Variants in ZFAND6 observed in about 807,000 individuals in gnomAD.
ZFAND6 encodes the protein zinc finger AN1-type containing 6, also known as AN1-type zinc finger protein 6.
In ZFAND6, 12 loss-of-function variants were observed where a neutral mutation model predicts 24.5. That is an observed-to-expected ratio of 0.49 (90% CI 0.31 to 0.79). ZFAND6 has a LOEUF of 0.79. Among genes scored for constraint, ZFAND6 ranks in the 30% least tolerant of loss-of-function variants. The pLI, the probability that ZFAND6 is intolerant of heterozygous loss-of-function variation, is 0.04. For synonymous variants in ZFAND6, 92 were observed against 81.5 expected, an observed-to-expected ratio of 1.13 and a Z score of -0.69; for missense variants, 207 against 245.9, an observed-to-expected ratio of 0.84 and a Z score of 1.06.
At chr15:80,086,977 G>GT (rs1313088182) in intron 1 of ZFAND6, among the ~76,000 whole-genome samples, 1 of 152,156 alleles carries the variant, frequency 6.6e-6, no homozygotes, top group Non-Finnish European at 1.5e-5. Flanking sequence ...CATCCAGATT[G>GT]TAGTATGTAT....
At chr15:80,077,411 C>T (rs2141839670) in intron 1 of ZFAND6, among the ~76,000 whole-genome samples, 1 of 152,246 alleles carries the variant, frequency 6.6e-6, no homozygotes, top group Admixed American at 6.5e-5. Context: ...AAAATATTTT[C>T]TCTTTGTCCT....
chr15:80,110,959 CA>C (rs1401434452), intron 2 of ZFAND6, among the ~76,000 whole-genome samples: 1 of 152,080 alleles, frequency 6.6e-6, no homozygotes. Context: ...CCTACCCAAG[CA>C]AATGAAATGG....
In ZFAND6 at chr15:80,121,830, A is replaced by T; in HGVS notation, c.263+10A>T. 6.2e-7 allele frequency: 1 copy of T among 1,602,830 alleles called. No homozygotes were observed. The highest frequency in any genetic ancestry group is 8.5e-7 in the Non-Finnish European group (1 of 1,170,870). On this transcript the variant is annotated intron_variant, in intron 4 of 6. Coordinates refer to ENST00000261749, the MANE Select transcript of ZFAND6 (RefSeq NM_019006.4). ...CATCTATGCAGCCCAGGTAAGATGT[A>T]CTCTCTGAATTCTAATGAGAATGCT...
intron 1 of ZFAND6, among the ~76,000 whole-genome samples, chr15:80,086,534 C>T (rs1336789616): frequency 6.6e-6 from 1 of 152,184 alleles, no homozygotes; most frequent in Non-Finnish European, 1.5e-5. Context: ...TATGGGTAAC[C>T]AGTAACCTAT....
rs1247548074 is a variant in ZFAND6, at chr15:80,122,809, A to G, written c.364+9A>G. 1 of 1,595,622 alleles carries G rather than the reference A, an allele frequency of 6.3e-7. No individual in the cohort carries two copies. The highest frequency in any genetic ancestry group is 2.2e-5 in the East Asian group (1 of 44,682). On this transcript the variant is annotated intron_variant, in intron 5 of 6. Coordinates refer to ENST00000261749, the MANE Select transcript of ZFAND6 (RefSeq NM_019006.4). ...AACAGAAGATGTGCAGGGTTTGTATATGAACTAGCATGTATTTTGTTATTT... is the reference window on the plus strand; with the variant it reads ...AACAGAAGATGTGCAGGGTTTGTATGTGAACTAGCATGTATTTTGTTATTT...
intron 2 of ZFAND6, among the ~76,000 whole-genome samples, chr15:80,119,539 T>C (rs2040051765): frequency 2.0e-5 from 3 of 152,050 alleles, no homozygotes; most frequent in Non-Finnish European, 2.9e-5. Flanking sequence ...TTCTAAAATA[T>C]TTTTAATGAC....
chr15:80,096,033 C>T (rs1393398037), intron 1 of ZFAND6, among the ~76,000 whole-genome samples: 1 of 152,160 alleles, frequency 6.6e-6, no homozygotes, highest in African/African-American at 2.4e-5. Context: ...TAGCTTTATG[C>T]TCAAGAGCAC....
chr15:80,121,875 A>G, intron 4 of ZFAND6, 55 bp downstream of exon 4: 2 of 1,429,344 alleles, frequency 1.4e-6, no homozygotes, highest in Non-Finnish European at 1.9e-6. Context: ...TAAAGAGTAT[A>G]TTCTGTGTTT....
At chr15:80,079,937 A>C (rs2037549183) in intron 1 of ZFAND6, among the ~76,000 whole-genome samples, 4 of 151,816 alleles carry the variant, frequency 2.6e-5, no homozygotes, top group African/African-American at 9.7e-5. Context: ...GGCATGAGCC[A>C]CCACGCCTGG....
intron 1 of ZFAND6, among the ~76,000 whole-genome samples, chr15:80,089,384 G>A (rs888772373): frequency 8.4e-5 from 12 of 142,846 alleles, no homozygotes; most frequent in South Asian, 2.4e-4. Context: ...TGAGCCTCCC[G>A]AGTAGCTGGG....
intron 1 of ZFAND6, among the ~76,000 whole-genome samples, chr15:80,061,917 A>T (rs555264259): frequency 2.6e-4 from 40 of 152,340 alleles, no homozygotes; most frequent in African/African-American, 9.4e-4. Flanking sequence ...ATGTTTAAAT[A>T]GAAGATTCAT....
At chr15:80,114,962 AG>A (rs1397608006) in intron 2 of ZFAND6, 1 of 152,226 alleles carries the variant, frequency 6.6e-6, no homozygotes, top group Admixed American at 6.5e-5. Flanking sequence ...ATAGGTTTTC[AG>A]GGATATGATG....
In ZFAND6 at chr15:80,137,668, T is replaced by C; in HGVS notation, c.*40T>C. 2.0e-6 allele frequency: 3 copies of C among 1,529,666 alleles called. No homozygotes were observed. Among genetic ancestry groups the C allele is most frequent in the Non-Finnish European group, 2.6e-6 (3 of 1,145,490 alleles). 94.8% of individuals were successfully genotyped at this position (1,529,666 alleles called of 1,614,324 possible). ...ACAAAATTCTTGAGCATCTGCAAAC[T>C]AAAAATTGACTTGAGGTTTTTTTTT... On this transcript the variant is annotated 3_prime_UTR_variant, in exon 7 of 7. Coordinates refer to ENST00000261749, the MANE Select transcript of ZFAND6 (RefSeq NM_019006.4).
At chr15:80,084,610 G>T (rs1223106182) in intron 1 of ZFAND6, among the ~76,000 whole-genome samples, 1 of 152,214 alleles carries the variant, frequency 6.6e-6, no homozygotes, top group Non-Finnish European at 1.5e-5. Flanking sequence ...GTTAAGCCGG[G>T]TTGGCAGAGA....
chr15:80,116,881 C>G (rs934620894), intron 2 of ZFAND6, among the ~76,000 whole-genome samples: 2 of 152,050 alleles, frequency 1.3e-5, no homozygotes, highest in African/African-American at 4.8e-5. Flanking sequence ...GATTGGATAC[C>G]CTGATATAAA....
At chr15:80,084,135 G>C (rs1437796348) in intron 1 of ZFAND6, among the ~76,000 whole-genome samples, 2 of 152,180 alleles carry the variant, frequency 1.3e-5, no homozygotes, top group Non-Finnish European at 2.9e-5. Context: ...TATGAAGTCT[G>C]TTTAAGCCTA....
At chr15:80,132,589 C>A (rs2040655834) in intron 6 of ZFAND6, among the ~76,000 whole-genome samples, 1 of 152,142 alleles carries the variant, frequency 6.6e-6, no homozygotes. Context: ...CTTAAAATGC[C>A]ACACATTTTA....
At chr15:80,088,108 A>T (rs1249642030) in intron 1 of ZFAND6, among the ~76,000 whole-genome samples, 1 of 152,120 alleles carries the variant, frequency 6.6e-6, no homozygotes, top group South Asian at 2.1e-4. Context: ...TAGTTTTGTC[A>T]GTTGTCTCAA....
At chr15:80,068,322 A>G (rs1366636894) in intron 1 of ZFAND6, among the ~76,000 whole-genome samples, 3 of 151,532 alleles carry the variant, frequency 2.0e-5, no homozygotes, top group African/African-American at 7.3e-5. Context: ...ATTTTTAAAA[A>G]TTTTTAAAAT....
Sources: gnomAD v4.1 joint callset for allele counts (sites outside exome capture counted in the v4.1 genomes callset) on GRCh38, gnomAD v4.1.1 for gene constraint, MANE v1.5 for transcripts, NCBI Gene and HGNC (gene_info 2026-07-23, HGNC 2026-07-21) for gene names.